Variants in MYO5B observed in about 807,000 individuals in gnomAD.
The protein encoded by MYO5B is myosin VB, also known as unconventional myosin-Vb.
A neutral mutation model predicts 229.3 loss-of-function variants in MYO5B; 143 were observed. The ratio of observed to expected loss-of-function variants is 0.62; its 90% CI spans 0.54 to 0.72. The LOEUF (loss-of-function observed/expected upper bound fraction) is 0.72, where lower values mean the gene tolerates loss of function less well. Among genes scored for constraint, MYO5B ranks in the 30% least tolerant of loss-of-function variants. The probability of loss-of-function intolerance (pLI) is 0.00; values close to 1 mark genes in which losing one functional copy is unlikely to be tolerated. For synonymous variants in MYO5B, 918 were observed against 885.2 expected (o/e 1.04, Z -0.66); for missense variants, 2,321 against 2,331.0 (o/e 1.00, Z 0.09).
At chr18:49,951,734 C>G (rs140466048) in intron 14 of MYO5B, among the ~76,000 whole-genome samples, 10 of 152,288 alleles carry the variant, frequency 6.6e-5, no homozygotes, top group African/African-American at 2.4e-4. Context: ...AAAGGACAAA[C>G]TTCTACTGAG....
At chr18:50,044,009 C>T (rs1218238364) in intron 2 of MYO5B, among the ~76,000 whole-genome samples, 1 of 152,032 alleles carries the variant, frequency 6.6e-6, no homozygotes, top group African/African-American at 2.4e-5. Context: ...AACCAAATAC[C>T]ACCTATTCCC....
chr18:49,866,678 C>T (rs2024400777), intron 27 of MYO5B, among the ~76,000 whole-genome samples: 1 of 152,232 alleles, frequency 6.6e-6, no homozygotes, highest in South Asian at 2.1e-4. Context: ...TTCCCCGGCC[C>T]TGCCTCCCAC....
At chr18:50,168,323 A>T (rs1346619406) in intron 1 of MYO5B, among the ~76,000 whole-genome samples, 1 of 152,240 alleles carries the variant, frequency 6.6e-6, no homozygotes, top group Non-Finnish European at 1.5e-5. Flanking sequence ...ATGGTGATTT[A>T]CTGAGAGTCC....
intron 7 of MYO5B, among the ~76,000 whole-genome samples, chr18:49,988,974 T>C (rs2025900238): frequency 6.6e-6 from 1 of 151,920 alleles, no homozygotes; most frequent in African/African-American, 2.4e-5. Flanking sequence ...TCAGCCAGAG[T>C]TTTCTCCCTG....
intron 22 of MYO5B, among the ~76,000 whole-genome samples, chr18:49,880,676 C>A (rs986150572): frequency 4.6e-5 from 7 of 152,172 alleles, no homozygotes; most frequent in Non-Finnish European, 1.0e-4. Flanking sequence ...CATCTAATGT[C>A]CACAAACACA....
intron 22 of MYO5B, among the ~76,000 whole-genome samples, chr18:49,887,838 G>A (rs1403578688): frequency 2.8e-5 from 3 of 106,316 alleles, no homozygotes; most frequent in South Asian, 3.1e-4. Flanking sequence ...GCACCACCAA[G>A]CCCGGCTAAT....
In MYO5B at chr18:50,122,439, T is replaced by TAAA. The variant is rs71169481; in HGVS notation, c.28-67064_28-67062dup. On this transcript the variant is annotated intron_variant, in intron 1 of 39. Coordinates refer to ENST00000285039, the MANE Select transcript of MYO5B (RefSeq NM_001080467.3). ...CAACATGGTGAAACCCTGTCTCAAC[T>TAAA]AAAAAAAAAAAAAAAAAAAAAATCA... Among the ~76,000 whole-genome samples, 38 of 41,888 alleles carry TAAA rather than the reference T, an allele frequency of 9.1e-4. 4 individuals carry two copies. The highest frequency in any genetic ancestry group is 3.0e-3 in the African/African-American group (29 of 9,564). 27.5% of individuals were successfully genotyped at this position (41,888 alleles called of 152,430 possible).
chr18:50,078,568 C>T (rs1315759807), intron 1 of MYO5B, among the ~76,000 whole-genome samples: 1 of 152,194 alleles, frequency 6.6e-6, no homozygotes. Context: ...ACTTTACACT[C>T]AACATAATGC....
rs1299405524 is a variant in MYO5B, at chr18:50,104,472, C to T, written c.28-49094G>A. Among the ~76,000 whole-genome samples, 3 of 151,654 alleles carry T rather than the reference C, an allele frequency of 2.0e-5. 1 individual carries two copies. The highest frequency in any genetic ancestry group is 2.0e-4 in the Admixed American group (3 of 15,238). On this transcript the variant is annotated intron_variant, in intron 1 of 39. Transcript: ENST00000285039. ...ATGAGGAAAATTTTACTTTAAATGA[C>T]TAGTATTTTAGTTTAGAAGAAACAT...
chr18:50,086,423 A>AT (rs1013069963), intron 1 of MYO5B, among the ~76,000 whole-genome samples: 16 of 152,192 alleles, frequency 1.1e-4, no homozygotes, highest in African/African-American at 3.6e-4. Flanking sequence ...CTCACCATCG[A>AT]TTTTTTCCTT....
In MYO5B at chr18:50,055,300, T is replaced by G. The variant is rs1182412707; in HGVS notation, c.106A>C (p.Lys36Gln). The change falls in exon 2 of 40, where the codon AAG (lysine) becomes CAG (glutamine). Residue 36 changes from lysine (K) to glutamine (Q), a missense_variant. This residue lies in a region of MYO5B where 2,113 missense variants were observed against 2,044.7 expected (regional missense o/e 1.03). Transcript: ENST00000285039. ...TCCTCCAGTCTGAGCTGTAGGCTCT[T>G]GTCTCCTTCTTTGTAGTCCTTGGTT... ...ELTKDYKEGD[K>Q]SLQLRLEDET... 1 of 1,585,830 alleles carries G rather than the reference T, an allele frequency of 6.3e-7. No homozygotes were observed. The highest frequency in any genetic ancestry group is 1.1e-5 in the South Asian group (1 of 90,500).
At chr18:50,037,251 TAA>T (rs11289681) in intron 3 of MYO5B, among the ~76,000 whole-genome samples, 256 of 148,660 alleles carry the variant, frequency 1.7e-3, no homozygotes, top group African/African-American at 3.8e-3. Context: ...TCACAAATGC[TAA>T]AAAAAAAAAA....
chr18:49,940,928 C>A (rs2025306587), intron 14 of MYO5B, among the ~76,000 whole-genome samples: 1 of 152,062 alleles, frequency 6.6e-6, no homozygotes, highest in Non-Finnish European at 1.5e-5. Context: ...TAAAAACATA[C>A]AAAAAAATTA....
At chr18:49,918,672 G>A (rs1323965515) in intron 17 of MYO5B, among the ~76,000 whole-genome samples, 16 of 152,372 alleles carry the variant, frequency 1.1e-4, no homozygotes, top group Admixed American at 9.8e-4. Context: ...ATGGAAACCA[G>A]CAGCAATTTG....
At chr18:50,101,518 C>T (rs1168387283) in intron 1 of MYO5B, among the ~76,000 whole-genome samples, 3 of 152,054 alleles carry the variant, frequency 2.0e-5, no homozygotes, top group African/African-American at 7.2e-5. Flanking sequence ...GGTCTAATAT[C>T]CAGAATCTAC....
chr18:49,962,882 G>T, intron 11 of MYO5B, 67 bp downstream of exon 11: 1 of 1,321,754 alleles, frequency 7.6e-7, no homozygotes. Flanking sequence ...AAGAGAAGTG[G>T]CCTGTCTGTC....
At chr18:49,907,246 C>T (rs918831218) in intron 18 of MYO5B, among the ~76,000 whole-genome samples, 1 of 152,116 alleles carries the variant, frequency 6.6e-6, no homozygotes, top group African/African-American at 2.4e-5. Flanking sequence ...GAGCCACAGG[C>T]AAGCTTTGAG....
rs538135756 is a variant in MYO5B at position 50,149,465 on chromosome 18, T to C, written c.27+45302A>G. On this transcript the variant is annotated intron_variant, in intron 1 of 39. Coordinates refer to ENST00000285039, the MANE Select transcript of MYO5B (RefSeq NM_001080467.3). Reference sequence around the variant, plus strand: ...CAAGGCTACAGTAACCAAAACAGCATGGTACTGGTACCAAAAGAGAGATAT... The same window carrying C: ...CAAGGCTACAGTAACCAAAACAGCACGGTACTGGTACCAAAAGAGAGATAT... 2.4e-3 allele frequency among the ~76,000 whole-genome samples: 359 copies of C among 152,206 alleles called. 7 individuals carry two copies. Among genetic ancestry groups the C allele is most frequent in the Admixed American group, 0.022 (337 of 15,294 alleles).
chr18:50,066,183 T>C lies in MYO5B; in HGVS notation c.28-10805A>G, dbSNP rs569600316. Among the ~76,000 whole-genome samples the C allele has an allele frequency of 1.1e-3, 167 of 152,334 alleles. 1 individual carries two copies. The highest frequency in any genetic ancestry group is 3.9e-3 in the African/African-American group (161 of 41,582). ...GATGGAGTGTATATGGAAGAATTAT[T>C]ATCAGCAAGATAGTTCAGTCTTGCA... is the stretch of plus-strand genomic sequence containing the variant. On this transcript the variant is annotated intron_variant, in intron 1 of 39. Coordinates refer to ENST00000285039, the MANE Select transcript of MYO5B (RefSeq NM_001080467.3).
Sources: gnomAD v4.1 joint callset for allele counts (sites outside exome capture counted in the v4.1 genomes callset) on GRCh38, gnomAD v4.1.1 for gene constraint, gnomAD v4.1.1 regional missense constraint, MANE v1.5 for transcripts, NCBI Gene and HGNC (gene_info 2026-07-23, HGNC 2026-07-21) for gene names.